SEMA3A: variants seen among roughly 807,000 people sequenced by gnomAD.
SEMA3A encodes the protein semaphorin 3A.
In SEMA3A, 29 loss-of-function variants were observed where a neutral mutation model predicts 97.9. That is an observed-to-expected ratio of 0.30 (90% confidence interval 0.22 to 0.40). The LOEUF is 0.40. Among genes scored for constraint, SEMA3A ranks in the 10% least tolerant of loss-of-function variants. SEMA3A has a pLI of 1.00. For missense variants in SEMA3A, 763 were observed against 951.3 expected (o/e 0.80, Z 2.60); for synonymous variants, 321 against 323.7 (o/e 0.99, Z 0.09).
In SEMA3A at chr7:84,095,707, G is replaced by A. The variant is rs573231895; in HGVS notation, c.453+14763C>T. On this transcript the variant is annotated intron_variant, in intron 4 of 16. Transcript: ENST00000265362. The stretch of plus-strand genomic sequence containing the variant: ...ATTCTTGTCCACTGAATGCAGAGGT[G>A]TGAGTGTGAAATTTTGCATGATTCC... 1.4e-4 allele frequency among the ~76,000 whole-genome samples: 21 copies of A among 151,528 alleles called. 1 individual carries two copies. The South Asian group carries it at 4.2e-3, about 30-fold the overall frequency.
intron 12 of SEMA3A, among the ~76,000 whole-genome samples, chr7:83,987,319 A>G (rs898445305): frequency 9.9e-5 from 15 of 152,162 alleles, no homozygotes; most frequent in African/African-American, 3.1e-4. Flanking sequence ...ATCTGAGGAT[A>G]GTTGACAATG....
At chr7:83,973,907 T>TG (rs1483967304) in intron 15 of SEMA3A, among the ~76,000 whole-genome samples, 24 of 151,180 alleles carry the variant, frequency 1.6e-4, no homozygotes, top group African/African-American at 5.8e-4. Flanking sequence ...TGGTGTAGTT[T>TG]TTTTTTTTTT....
chr7:84,474,151 T>C (rs1806220467), intron 1 of SEMA3A, among the ~76,000 whole-genome samples: 1 of 152,244 alleles, frequency 6.6e-6, no homozygotes, highest in Non-Finnish European at 1.5e-5. Context: ...CAAAATTATA[T>C]GATTAGAGAA....
chr7:84,196,309 G>A (rs956784156), upstream of SEMA3A, among the ~76,000 whole-genome samples: 1 of 152,002 alleles, frequency 6.6e-6, no homozygotes, highest in Non-Finnish European at 1.5e-5. Flanking sequence ...ATTACTTAAT[G>A]TCCACAGACC....
chr7:84,118,532 G>A (rs1355839606), intron 3 of SEMA3A, among the ~76,000 whole-genome samples: 4 of 152,186 alleles, frequency 2.6e-5, no homozygotes, highest in Non-Finnish European at 5.9e-5. Context: ...GCGTGGGGCA[G>A]TACCTGGGCC....
At chr7:84,178,168 CTTGAG>C (rs1305149883) in intron 1 of SEMA3A, among the ~76,000 whole-genome samples, 3 of 152,140 alleles carry the variant, frequency 2.0e-5, no homozygotes, top group African/African-American at 7.2e-5. Context: ...TATCTCAACT[CTTGAG>C]TTATCTTACT....
intron 4 of SEMA3A, among the ~76,000 whole-genome samples, chr7:84,062,319 A>C (rs567895255): frequency 1.6e-4 from 24 of 152,296 alleles, no homozygotes; most frequent in Non-Finnish European, 2.5e-4. Flanking sequence ...TATTAAAATT[A>C]TATGAAAAGA....
At chr7:84,164,432 A>G (rs1240316007) in intron 1 of SEMA3A, among the ~76,000 whole-genome samples, 1 of 151,994 alleles carries the variant, frequency 6.6e-6, no homozygotes, top group African/African-American at 2.4e-5. Context: ...TTTCTTTATC[A>G]TGTTTCTTTA....
intron 5 of SEMA3A, among the ~76,000 whole-genome samples, chr7:84,054,994 G>T (rs1792889099): frequency 6.6e-6 from 1 of 152,144 alleles, no homozygotes; most frequent in Non-Finnish European, 1.5e-5. Flanking sequence ...CTGCTGTGGG[G>T]TGCCTCCCAG....
At chr7:84,045,661 A>G (rs1792319664) in intron 6 of SEMA3A, among the ~76,000 whole-genome samples, 1 of 151,906 alleles carries the variant, frequency 6.6e-6, no homozygotes. Flanking sequence ...AAGAAAAGAG[A>G]GTAATAGTAA....
chr7:84,167,195 C>A (rs910793009), intron 1 of SEMA3A, among the ~76,000 whole-genome samples: 4 of 151,920 alleles, frequency 2.6e-5, no homozygotes, highest in Non-Finnish European at 5.9e-5. Flanking sequence ...AGAAAGGTCA[C>A]ATGTGGTTCT....
intron 3 of SEMA3A, among the ~76,000 whole-genome samples, chr7:84,111,210 C>T (rs1034871317): frequency 2.0e-5 from 3 of 152,042 alleles, no homozygotes; most frequent in African/African-American, 7.2e-5. Flanking sequence ...GAATTAAGAA[C>T]CAAATATGTA....
At chr7:83,984,122 G>T (rs1018654226) in intron 13 of SEMA3A, among the ~76,000 whole-genome samples, 7 of 152,066 alleles carry the variant, frequency 4.6e-5, no homozygotes, top group African/African-American at 1.7e-4. Flanking sequence ...AAAACAGAAA[G>T]AAATGGTTTA....
At chr7:84,228,843 G>T (rs1026363055) in intron 3 of SEMA3A, among the ~76,000 whole-genome samples, 1 of 151,890 alleles carries the variant, frequency 6.6e-6, no homozygotes, top group Non-Finnish European at 1.5e-5. Flanking sequence ...AAGTCCTATG[G>T]TTGATCATGG....
At chr7:84,336,853 A>C (rs1802048570) in intron 2 of SEMA3A, among the ~76,000 whole-genome samples, 1 of 152,200 alleles carries the variant, frequency 6.6e-6, no homozygotes, top group Admixed American at 6.6e-5. Context: ...AGGTTGAAGT[A>C]TGAAAAAATT....
chr7:84,392,106 C>T (rs541679410), intron 1 of SEMA3A, among the ~76,000 whole-genome samples: 141 of 152,208 alleles, frequency 9.3e-4, no homozygotes, highest in South Asian at 6.8e-3. Flanking sequence ...GCGATGAGAA[C>T]ATTTGAAATT....
rs1408597815 is a variant in SEMA3A, at chr7:84,488,315, T to TACACACAC, written c.-246+4144_-246+4145insGTGTGTGT. ...TGTTTTCCAGCTATGTTTCTTCGTA[T>TACACACAC]ATACACACACACACACACACACACA... On this transcript the variant is annotated intron_variant, in intron 1 of 3. Transcript: ENST00000424555. Among the ~76,000 whole-genome samples, 882 of 94,250 alleles carry TACACACAC rather than the reference T, an allele frequency of 9.4e-3. 27 individuals are homozygous for TACACACAC. The highest frequency in any genetic ancestry group is 0.09 in the East Asian group (404 of 4,502). 61.8% of individuals were successfully genotyped at this position (94,250 alleles called of 152,430 possible).
intron 3 of SEMA3A, among the ~76,000 whole-genome samples, chr7:84,252,788 G>A (rs1799638454): frequency 6.6e-6 from 1 of 152,174 alleles, no homozygotes; most frequent in Admixed American, 6.5e-5. Context: ...AAAATGCGAA[G>A]TGTAATTTTT....
At chr7:84,135,664 AG>A (rs1490771923) in intron 1 of SEMA3A, among the ~76,000 whole-genome samples, 1 of 152,216 alleles carries the variant, frequency 6.6e-6, no homozygotes, top group Admixed American at 6.5e-5. Flanking sequence ...CTAACAAAAT[AG>A]GAATGTGGGG....
Sources: gnomAD v4.1 joint callset for allele counts (sites outside exome capture counted in the v4.1 genomes callset) on GRCh38, gnomAD v4.1.1 for gene constraint, MANE v1.5 for transcripts, NCBI Gene and HGNC (gene_info 2026-07-23, HGNC 2026-07-21) for gene names.